ZNF138: variants seen among roughly 807,000 people sequenced by gnomAD.
The protein encoded by ZNF138 is zinc finger protein 138, also known as zinc finger protein 138 (clone pHZ-32).
A neutral mutation model predicts 33.0 loss-of-function variants in ZNF138; 33 were observed. That is an observed-to-expected ratio of 1.00 (90% CI 0.76 to 1.34). The LOEUF (loss-of-function observed/expected upper bound fraction) is 1.34. Ranked by LOEUF, ZNF138 falls within the 40% of genes most tolerant of loss-of-function variation. The pLI is 0.00. For missense variants in ZNF138, 360 were observed against 370.8 expected, an observed-to-expected ratio of 0.97 and a Z score of 0.24; for synonymous variants, 139 against 120.4, an observed-to-expected ratio of 1.15 and a Z score of -1.01.
intron 3 of ZNF138, among the ~76,000 whole-genome samples, chr7:64,824,043 T>C (rs1368978604): frequency 6.6e-6 from 1 of 152,224 alleles, no homozygotes; most frequent in Admixed American, 6.5e-5. Flanking sequence ...ACTGGAAAGT[T>C]TGCACATAAC....
intron 1 of ZNF138, among the ~76,000 whole-genome samples, chr7:64,804,810 G>C (rs1043368629): frequency 2.6e-5 from 4 of 152,078 alleles, no homozygotes; most frequent in African/African-American, 4.8e-5. Flanking sequence ...AAAACTGTCA[G>C]AGGCATTCCA....
At chr7:64,810,406 A>C (rs981173427) in intron 1 of ZNF138, among the ~76,000 whole-genome samples, 2 of 103,966 alleles carry the variant, frequency 1.9e-5, no homozygotes, top group African/African-American at 7.8e-5. Flanking sequence ...AGTACAGTCC[A>C]GCTTCGGCTC....
At chr7:64,849,560 G>A in the ZNF138 span, among the ~76,000 whole-genome samples, 1 of 152,090 alleles carries the variant, frequency 6.6e-6, no homozygotes, top group Middle Eastern at 3.2e-3. Context: ...GGAAGATCAT[G>A]TGGGGACATG....
the ZNF138 span, among the ~76,000 whole-genome samples, chr7:64,857,727 C>G: frequency 6.8e-6 from 1 of 148,082 alleles, no homozygotes; most frequent in Non-Finnish European, 1.5e-5. Context: ...TAAAAAAAAA[C>G]AGTGCTTTGG....
At chr7:64,844,702 T>C in the ZNF138 span, among the ~76,000 whole-genome samples, 1 of 130,774 alleles carries the variant, frequency 7.6e-6, no homozygotes, top group South Asian at 2.2e-4. Context: ...GTTTTGTTTT[T>C]ATGAGACAGA....
At chr7:64,826,352 T>C (rs1169460189) in intron 3 of ZNF138, among the ~76,000 whole-genome samples, 1 of 152,188 alleles carries the variant, frequency 6.6e-6, no homozygotes, top group Non-Finnish European at 1.5e-5. Context: ...CGATGTTGTC[T>C]CACCACAACC....
the ZNF138 span, chr7:64,852,973 A>T: frequency 2.8e-6 from 4 of 1,414,258 alleles, no homozygotes; most frequent in East Asian, 9.1e-5. Flanking sequence ...TCATTTTATT[A>T]CTGACTCCAA....
chr7:64,834,813 CCAAA>C (rs1191227951), downstream of ZNF138, among the ~76,000 whole-genome samples: 1 of 152,042 alleles, frequency 6.6e-6, no homozygotes, highest in African/African-American at 2.4e-5. Context: ...GCGTTATACT[CCAAA>C]CAAAATAATT....
chr7:64,797,773 A>T lies in ZNF138; in HGVS notation c.3+3202A>T, dbSNP rs564295523. ...TAAAACAAAATTAGGTTTATTTTTT[A>T]AAAAATTCTAAAATACTGCAACAGA... On this transcript the variant is annotated intron_variant, in intron 1 of 3. Transcript: ENST00000307355. Among the ~76,000 whole-genome samples the T allele has an allele frequency of 4.9e-4, 75 of 152,298 alleles. 1 individual carries two copies. The highest frequency in any genetic ancestry group is 3.4e-3 in the Middle Eastern group (1 of 294).
downstream of ZNF138, chr7:64,835,141 CG>C (rs1790326098): frequency 6.8e-6 from 1 of 147,104 alleles, no homozygotes; most frequent in Non-Finnish European, 1.5e-5. Context: ...GCGCGTTAGT[CG>C]GGGTGACGGG....
chr7:64,824,005 A>G (rs1460153752), intron 3 of ZNF138, among the ~76,000 whole-genome samples: 1 of 152,190 alleles, frequency 6.6e-6, no homozygotes, highest in African/African-American at 2.4e-5. Context: ...AGATGCAGAT[A>G]AGAATATTCT....
the ZNF138 span, among the ~76,000 whole-genome samples, chr7:64,855,195 TC>T: frequency 2.0e-5 from 3 of 152,262 alleles, no homozygotes; most frequent in Middle Eastern, 0.01. Flanking sequence ...CCTGAGTGAC[TC>T]AGGGTGAATA....
chr7:64,821,809 T>C (rs754691857), intron 3 of ZNF138, among the ~76,000 whole-genome samples: 7 of 151,452 alleles, frequency 4.6e-5, no homozygotes, highest in African/African-American at 7.3e-5. Context: ...CCTCCCAAAG[T>C]GTTGGGATTA....
chr7:64,852,263 T>C, the ZNF138 span: 1 of 649,816 alleles, frequency 1.5e-6, no homozygotes, highest in Non-Finnish European at 2.7e-6. Flanking sequence ...TGTATCCACT[T>C]ACAAACTGAC....
At chr7:64,855,477 C>CTCTCCG in the ZNF138 span, among the ~76,000 whole-genome samples, 2 of 1,312 alleles carry the variant, frequency 1.5e-3, 1 homozygote, top group African/African-American at 1.6e-3. Context: ...GGGCCTCTCC[C>CTCTCCG]TCTCCCTCTC....
At chr7:64,821,932 T>G (rs1213279235) in intron 3 of ZNF138, among the ~76,000 whole-genome samples, 9 of 144,762 alleles carry the variant, frequency 6.2e-5, no homozygotes, top group Non-Finnish European at 1.3e-4. Flanking sequence ...TTTTTTTTTT[T>G]TTTTGAGACA....
At chr7:64,813,433 A>T (rs1334831668) in intron 1 of ZNF138, among the ~76,000 whole-genome samples, 65 of 42,810 alleles carry the variant, frequency 1.5e-3, no homozygotes, top group Middle Eastern at 0.029. Flanking sequence ...TTGCATAAAA[A>T]TGATTTTTTT....
Position 64,805,395 on chromosome 7 carries a change from T to C in ZNF138, c.4-9523T>C, listed in dbSNP as rs1458784143. On this transcript the variant is annotated intron_variant, in intron 1 of 3. Coordinates refer to ENST00000307355, the MANE Select transcript of ZNF138 (RefSeq NM_001271639.2). Reference sequence around the variant, plus strand: ...GCCTGGGCGACAGAGCAAGACTCTGTCTCAAAAAAACAAAACAAAAAAAAA... The same window carrying C: ...GCCTGGGCGACAGAGCAAGACTCTGCCTCAAAAAAACAAAACAAAAAAAAA... 9.5e-5 allele frequency among the ~76,000 whole-genome samples: 7 copies of C among 73,802 alleles called. No individual in the cohort carries two copies. The Admixed American group carries it at 1.1e-3, about 12-fold the overall frequency. The allele number at this position is 73,802 out of a possible 152,430, so 48.4% of individuals were successfully genotyped here.
the ZNF138 span, chr7:64,852,738 C>A: frequency 1.0e-6 from 1 of 959,938 alleles, no homozygotes; most frequent in South Asian, 1.3e-5. Context: ...ACAGCCACTG[C>A]CCCCTGTGTC....
Sources: allele counts gnomAD v4.1 joint callset (sites outside exome capture counted in the v4.1 genomes callset), GRCh38; gene constraint gnomAD v4.1.1; transcripts MANE v1.5; gene names NCBI Gene and HGNC (gene_info 2026-07-23, HGNC 2026-07-21).